MLLT3: variants seen among roughly 807,000 people sequenced by gnomAD.
MLLT3 encodes the protein MLLT3 super elongation complex subunit.
Under a neutral mutation model 53.2 loss-of-function variants are expected in MLLT3, and 4 were observed. The ratio of observed to expected loss-of-function variants is 0.08; its 90% CI spans 0.04 to 0.17. The LOEUF is 0.17. Among genes scored for constraint, MLLT3 ranks in the 10% least tolerant of loss-of-function variants. MLLT3 has a pLI of 1.00. For synonymous variants in MLLT3, 283 were observed against 230.6 expected, an observed-to-expected ratio of 1.23 and a Z score of -2.06; for missense variants, 569 against 684.0, an observed-to-expected ratio of 0.83 and a Z score of 1.87.
At chr9:20,469,680 T>C (rs1057401675) in intron 2 of MLLT3, among the ~76,000 whole-genome samples, 5 of 148,260 alleles carry the variant, frequency 3.4e-5, no homozygotes, top group African/African-American at 9.9e-5. Flanking sequence ...ACTGAGAGCC[T>C]AACTTGAAGA....
In MLLT3 at chr9:20,621,614, C is replaced by A. The variant is rs997713406; in HGVS notation, c.12+631G>T. Among the ~76,000 whole-genome samples, 2 of 152,124 alleles carry A rather than the reference C, an allele frequency of 1.3e-5. No individual in the cohort carries two copies. Among genetic ancestry groups the A allele is most frequent in the Non-Finnish European group, 2.9e-5 (2 of 68,010 alleles). ...GCTCCAAAGTATCTCCCACCTCCCC[C>A]CAAAAAATGAAATTCAGAAAGGCAG... On this transcript the variant is annotated intron_variant, in intron 1 of 10. Coordinates refer to ENST00000380338, the MANE Select transcript of MLLT3 (RefSeq NM_004529.4). The surrounding 1 kb of genome is among the most constrained non-coding windows in gnomAD (Gnocchi z 7.0).
intron 7 of MLLT3, among the ~76,000 whole-genome samples, chr9:20,362,523 C>A (rs1821350125): frequency 1.3e-5 from 2 of 152,010 alleles, no homozygotes; most frequent in Non-Finnish European, 2.9e-5. Flanking sequence ...GTTATATTCT[C>A]CTATTTAAAA....
chr9:20,395,564 T>C (rs1469598715), intron 5 of MLLT3, among the ~76,000 whole-genome samples: 1 of 152,150 alleles, frequency 6.6e-6, no homozygotes, highest in East Asian at 1.9e-4. Flanking sequence ...AAAACTGTTT[T>C]TGCCTTTCAT....
chr9:20,444,104 A>G (rs1355744852), intron 4 of MLLT3, among the ~76,000 whole-genome samples: 1 of 152,194 alleles, frequency 6.6e-6, no homozygotes, highest in African/African-American at 2.4e-5. Flanking sequence ...TCTTATAGTA[A>G]TAGATGACAA....
chr9:20,512,574 C>G (rs954395577), intron 2 of MLLT3, among the ~76,000 whole-genome samples: 4 of 152,196 alleles, frequency 2.6e-5, no homozygotes, highest in East Asian at 3.8e-4. Context: ...TCTATGAGTA[C>G]AAGTGTTTTT....
At chr9:20,404,206 A>T (rs923812295) in intron 5 of MLLT3, among the ~76,000 whole-genome samples, 1 of 152,218 alleles carries the variant, frequency 6.6e-6, no homozygotes, top group Non-Finnish European at 1.5e-5. Context: ...GCCAAATAGG[A>T]AATGACGTTT....
intron 4 of MLLT3, 76 bp from the exon 5 acceptor site, chr9:20,414,501 T>C: frequency 6.3e-7 from 1 of 1,578,464 alleles, no homozygotes; most frequent in Non-Finnish European, 8.6e-7. Flanking sequence ...CTACATAAAA[T>C]GATCCTTCTT....
In MLLT3 at chr9:20,413,977, G is replaced by A; in HGVS notation, c.869C>T (p.Ser290Phe). 1 of 1,614,006 alleles carries A rather than the reference G, an allele frequency of 6.2e-7. No homozygotes were observed. The highest frequency in any genetic ancestry group is 8.5e-7 in the Non-Finnish European group (1 of 1,179,980). Residue 290 changes from serine to phenylalanine, a missense_variant, in exon 5 of 11, where the codon TCT (serine) becomes TTT (phenylalanine). Ser to Phe is a radical substitution (Grantham distance 155, BLOSUM62 -2). Coordinates refer to ENST00000380338, the MANE Select transcript of MLLT3 (RefSeq NM_004529.4). ...APSKRPPISD[S>F]EELSAKKRKK... ...CCTTTTTTTGGCTGAGAGTTCTTCA[G>A]AATCTGAAATGGGCGGCCTTTTACT...
At chr9:20,602,207 T>G (rs1254997869) in intron 2 of MLLT3, among the ~76,000 whole-genome samples, 1 of 152,170 alleles carries the variant, frequency 6.6e-6, no homozygotes, top group African/African-American at 2.4e-5. Context: ...TTCTCCATTT[T>G]CAAGCCTCCA....
chr9:20,478,076 C>G (rs188503645), intron 2 of MLLT3, among the ~76,000 whole-genome samples: 3 of 152,086 alleles, frequency 2.0e-5, no homozygotes, highest in African/African-American at 4.8e-5. Context: ...CCCCTAAACC[C>G]TGCCCTGGGG....
At chr9:20,560,772 A>T (rs1002735207) in intron 2 of MLLT3, among the ~76,000 whole-genome samples, 1 of 152,006 alleles carries the variant, frequency 6.6e-6, no homozygotes, top group Non-Finnish European at 1.5e-5. Context: ...TTCTATTTTT[A>T]TTATTTTTCT....
chr9:20,603,189 T>C (rs956074645), intron 2 of MLLT3, among the ~76,000 whole-genome samples: 15 of 152,064 alleles, frequency 9.9e-5, no homozygotes, highest in African/African-American at 3.4e-4. Flanking sequence ...AAGAAACCAC[T>C]TGGACATATT....
At chr9:20,534,970 A>T (rs971422211) in intron 2 of MLLT3, among the ~76,000 whole-genome samples, 9 of 152,220 alleles carry the variant, frequency 5.9e-5, no homozygotes, top group African/African-American at 2.2e-4. Context: ...GACATGAACT[A>T]ATCATGGTTT....
intron 2 of MLLT3, among the ~76,000 whole-genome samples, chr9:20,603,977 TAAG>T (rs1820502301): frequency 6.6e-6 from 1 of 152,048 alleles, no homozygotes; most frequent in South Asian, 2.1e-4. Flanking sequence ...TAAAATTGTT[TAAG>T]AAGTATTATT....
chr9:20,389,193 T>G (rs1166220299), intron 5 of MLLT3, among the ~76,000 whole-genome samples: 21 of 152,264 alleles, frequency 1.4e-4, no homozygotes, highest in Non-Finnish European at 1.5e-5. Flanking sequence ...TAAAAACTAA[T>G]GAAGTTCTGG....
At chr9:20,414,541 CA>C in intron 4 of MLLT3, 116 bp from the exon 5 acceptor site, 1 of 1,463,378 alleles carries the variant, frequency 6.8e-7, no homozygotes, top group Non-Finnish European at 9.2e-7. Flanking sequence ...ATTAAAATAC[CA>C]AAAATATTTT....
At chr9:20,429,930 G>C (rs1823225706) in intron 4 of MLLT3, among the ~76,000 whole-genome samples, 1 of 152,042 alleles carries the variant, frequency 6.6e-6, no homozygotes, top group East Asian at 1.9e-4. Context: ...GCACTGGGGG[G>C]AAAAGGATAG....
intron 2 of MLLT3, among the ~76,000 whole-genome samples, chr9:20,475,843 T>C (rs1195105006): frequency 1.3e-5 from 2 of 152,104 alleles, no homozygotes; most frequent in East Asian, 1.9e-4. Flanking sequence ...TTCATTTCAA[T>C]AGGTTGAAGG....
intron 2 of MLLT3, among the ~76,000 whole-genome samples, chr9:20,511,832 A>G (rs111987109): frequency 3.3e-5 from 5 of 152,208 alleles, no homozygotes; most frequent in Middle Eastern, 3.4e-3. Flanking sequence ...AGGAACACCT[A>G]TAAGTGCTCA....
Sources: gnomAD v4.1 joint callset for allele counts (sites outside exome capture counted in the v4.1 genomes callset) on GRCh38, gnomAD v4.1.1 for gene constraint, Gnocchi (gnomAD v3.1) non-coding constraint, MANE v1.5 for transcripts, NCBI Gene and HGNC (gene_info 2026-07-23, HGNC 2026-07-21) for gene names.